RIIAD1: variants seen among roughly 807,000 people sequenced by gnomAD.
RIIAD1 encodes regulatory subunit of type II PKA R-subunit domain containing 1, also known as RIIa domain-containing protein 1.
In RIIAD1, 15 loss-of-function variants were observed where a neutral mutation model predicts 13.3. That is an observed-to-expected ratio of 1.13 (90% CI 0.76 to 1.74). The LOEUF is 1.74. Among genes scored for constraint, RIIAD1 ranks in the 40% most tolerant of loss-of-function variants. The probability of loss-of-function intolerance (pLI) is 0.00; values close to 1 mark genes in which losing one functional copy is unlikely to be tolerated. For synonymous variants in RIIAD1, 50 were observed against 43.3 expected (o/e 1.16, Z -0.61); for missense variants, 121 against 112.2 (o/e 1.08, Z -0.35).
At chr1:151,724,880 AC>A (rs1227333234) in intron 2 of RIIAD1, among the ~76,000 whole-genome samples, 1 of 150,946 alleles carries the variant, frequency 6.6e-6, no homozygotes, top group Non-Finnish European at 1.5e-5. Flanking sequence ...GCTCACTGCA[AC>A]CTCCGCCTCC....
chr1:151,718,649 T>C (rs1186180842), upstream of RIIAD1, among the ~76,000 whole-genome samples: 3 of 152,174 alleles, frequency 2.0e-5, no homozygotes, highest in Non-Finnish European at 2.9e-5. Flanking sequence ...GTAGACTTGA[T>C]TACACTTCAT....
chr1:151,716,131 G>A, intron 4 of RIIAD1: 1 of 1,214,816 alleles, frequency 8.2e-7, no homozygotes, highest in Non-Finnish European at 1.1e-6. Context: ...GCTGGGGCTG[G>A]CTTTCCCTTT....
At chr1:151,722,678 T>C (rs1292127597) in intron 2 of RIIAD1, among the ~76,000 whole-genome samples, 1 of 152,206 alleles carries the variant, frequency 6.6e-6, no homozygotes, top group Non-Finnish European at 1.5e-5. Flanking sequence ...TCAAATGCTG[T>C]TTGGTTATAG....
At chr1:151,722,392 A>C (rs1291852174) in intron 2 of RIIAD1, among the ~76,000 whole-genome samples, 1 of 152,224 alleles carries the variant, frequency 6.6e-6, no homozygotes, top group East Asian at 1.9e-4. Flanking sequence ...GAGCTTAACA[A>C]AATCACTAGT....
At position 151,712,213 on chromosome 1, in the gene RIIAD1, C is replaced by T. The variant is rs530720710; in HGVS notation, c.-186+216C>T. ...TCCCTAGTTACTACCCACCAGGTGA[C>T]AAGCCCTCCCTCGGGCCTCCCAAAG... On this transcript the variant is annotated intron_variant, in intron 2 of 8. Coordinates refer to the RIIAD1 transcript ENST00000326413. Among the ~76,000 whole-genome samples, 3 of 152,340 alleles carry T rather than the reference C, an allele frequency of 2.0e-5. No individual in the cohort carries two copies. In the South Asian group the frequency reaches 6.2e-4, roughly 32 times the overall value.
In RIIAD1 at chr1:151,728,878, G is replaced by A. The variant is rs986364550; in HGVS notation, c.*42G>A. 8.1e-5 allele frequency: 94 copies of A among 1,154,792 alleles called. No individual in the cohort carries two copies. The highest frequency in any genetic ancestry group is 1.2e-4 in the Non-Finnish European group (91 of 785,502). The allele number at this position is 1,154,792 out of a possible 1,614,324, so 71.5% of individuals were successfully genotyped here. On this transcript the variant is annotated 3_prime_UTR_variant, in exon 4 of 5. Coordinates refer to ENST00000479191, the MANE Select transcript of RIIAD1 (RefSeq NM_001144956.3). Reference sequence around the variant, plus strand: ...GCTCAGCTGTTGGGAGAGACCAGACGGAATCCAGCCTCGGGGTGGGTGTTA... The same window carrying A: ...GCTCAGCTGTTGGGAGAGACCAGACAGAATCCAGCCTCGGGGTGGGTGTTA...
chr1:151,721,552 G>A lies in RIIAD1; in HGVS notation c.16G>A (p.Gly6Ser). METLP[G>S]LLQRPDPGAL... ...CCGCAGCAAGATGGAGACGCTGCCA[G>A]GCTTGCTGCAGCGGCCCGACCCCGG... Residue 6 changes from glycine (G) to serine (S), a missense_variant, in exon 1 of 5, where the codon GGC (glycine) becomes AGC (serine). Transcript: ENST00000479191. The A allele has an allele frequency of 1.5e-6, 2 of 1,331,862 alleles. No homozygotes were observed. Among genetic ancestry groups the A allele is most frequent in the Non-Finnish European group, 1.9e-6 (2 of 1,039,708 alleles). 82.5% of individuals were successfully genotyped at this position (1,331,862 alleles called of 1,614,324 possible).
intron 3 of RIIAD1, among the ~76,000 whole-genome samples, chr1:151,728,080 C>T (rs1036329817): frequency 7.9e-5 from 12 of 152,294 alleles, no homozygotes; most frequent in Admixed American, 6.5e-4. Flanking sequence ...TTAAGGTCAA[C>T]GGTATTTAGA....
chr1:151,713,237 C>T (rs1673176991), intron 2 of RIIAD1, among the ~76,000 whole-genome samples: 1 of 152,192 alleles, frequency 6.6e-6, no homozygotes, highest in South Asian at 2.1e-4. Context: ...CTTCCTCACC[C>T]CCACCCTGGG....
chr1:151,721,981 A>G, intron 1 of RIIAD1, 105 bp from the exon 2 acceptor site: 1 of 764,246 alleles, frequency 1.3e-6, no homozygotes, highest in Non-Finnish European at 2.2e-6. Context: ...CTGGGGAAAG[A>G]CTTGGGTTAA....
At chr1:151,726,767 A>G (rs769367932) in intron 2 of RIIAD1, among the ~76,000 whole-genome samples, 2 of 152,220 alleles carry the variant, frequency 1.3e-5, no homozygotes, top group Non-Finnish European at 2.9e-5. Context: ...CTCTAGTGGC[A>G]TTGGCCCTGC....
chr1:151,721,601 A>G lies in RIIAD1; in HGVS notation c.65A>G (p.Glu22Gly). Residue 22 changes from glutamate to glycine, a missense_variant, in exon 1 of 5, where the codon GAG (glutamate) becomes GGG (glycine). Physicochemically the swap from Glu to Gly is moderately conservative, Grantham distance 98 (BLOSUM62 -2). Coordinates refer to ENST00000479191, the MANE Select transcript of RIIAD1 (RefSeq NM_001144956.3). ...GGGGCGCTTAGCGCAGCGCAGCTGGAGCAGCTGCGAAAATTCAAGGTGGGT... is the reference window on the plus strand; with the variant it reads ...GGGGCGCTTAGCGCAGCGCAGCTGGGGCAGCTGCGAAAATTCAAGGTGGGT... ...DPGALSAAQL[E>G]QLRKFKIQTR... 4.6e-6 allele frequency: 6 copies of G among 1,299,624 alleles called. No homozygotes were observed. In the South Asian group the frequency reaches 6.5e-5, roughly 14 times the overall value. 80.5% of individuals were successfully genotyped at this position (1,299,624 alleles called of 1,614,324 possible). A position where few individuals can be genotyped will look rare whatever the true frequency, so the allele number is the denominator to read the frequency against.
At chr1:151,714,798 G>A (rs533680785) in intron 4 of RIIAD1, 2 of 734,924 alleles carry the variant, frequency 2.7e-6, no homozygotes, top group South Asian at 3.4e-5. Flanking sequence ...TCTTCTGCCT[G>A]CTGGGGTAGA....
In RIIAD1 at chr1:151,715,757, C is replaced by A. The variant is rs1005563573; in HGVS notation, c.21+1228C>A. The A allele has an allele frequency of 6.3e-6, 10 of 1,596,872 alleles. No homozygotes were observed. In the Admixed American group the frequency reaches 6.7e-5, roughly 11 times the overall value. The stretch of plus-strand genomic sequence containing the variant: ...AGCTCCTCCATCCACTTTCCTCAGG[C>A]CTGAACTCTTCTCCTTCCACATCAG... On this transcript the variant is annotated intron_variant, in intron 4 of 8. Transcript: ENST00000326413.
At chr1:151,722,276 T>G (rs1023440776) in intron 2 of RIIAD1, 114 bp downstream of exon 2, 1 of 714,636 alleles carries the variant, frequency 1.4e-6, no homozygotes, top group East Asian at 2.7e-5. Context: ...TCATTTACTT[T>G]AACCATAAGG....
chr1:151,723,714 A>T (rs1673780443), intron 2 of RIIAD1, among the ~76,000 whole-genome samples: 1 of 152,206 alleles, frequency 6.6e-6, no homozygotes, highest in South Asian at 2.1e-4. Context: ...AATAAAAATT[A>T]AAAAAACTCA....
chr1:151,715,753 C>T, intron 4 of RIIAD1: 3 of 1,595,262 alleles, frequency 1.9e-6, no homozygotes, highest in Non-Finnish European at 2.6e-6. Context: ...CCACTTTCCT[C>T]AGGCCTGAAC....
upstream of RIIAD1, among the ~76,000 whole-genome samples, chr1:151,718,928 T>C (rs775484408): frequency 2.0e-5 from 3 of 152,206 alleles, no homozygotes; most frequent in Non-Finnish European, 2.9e-5. Context: ...GAAGACCCTA[T>C]GGCCCTGTTG....
At chr1:151,727,762 T>C (rs1433095089) in intron 3 of RIIAD1, 141 bp downstream of exon 3, 3 of 613,506 alleles carry the variant, frequency 4.9e-6, no homozygotes, top group Non-Finnish European at 8.7e-6. Flanking sequence ...GGAGCTTTTT[T>C]CAGCTTTTTC....
Sources: gnomAD v4.1 joint callset for allele counts (sites outside exome capture counted in the v4.1 genomes callset) on GRCh38, gnomAD v4.1.1 for gene constraint, MANE v1.5 for transcripts, NCBI Gene and HGNC (gene_info 2026-07-23, HGNC 2026-07-21) for gene names.